The following ZNF250 variants were observed in gnomAD, a reference collection of about 807,000 sequenced individuals.
ZNF250 encodes the protein zinc finger protein 250.
ZNF250 carries 13 observed loss-of-function variants against 37.1 expected under a neutral mutation model. The ratio of observed to expected loss-of-function variants is 0.35; its 90% CI spans 0.23 to 0.56. The LOEUF (loss-of-function observed/expected upper bound fraction) is 0.56. ZNF250 is among the 20% of genes least tolerant of loss of function. The pLI is 0.87. For synonymous variants in ZNF250, 251 were observed against 265.6 expected (o/e 0.94, Z 0.54); for missense variants, 474 against 697.9 (o/e 0.68, Z 3.61).
At position 144,897,417 on chromosome 8, in the gene ZNF250, CT is replaced by C. The variant is rs1195380634; in HGVS notation, c.-55+3981del. Among the ~76,000 whole-genome samples the C allele has an allele frequency of 1.3e-5, 2 of 152,206 alleles. No individual in the cohort carries two copies. The highest frequency in any genetic ancestry group is 3.9e-4 in the East Asian group (2 of 5,194). ...CTAATCTAAACTAACCCTAACTAAC[CT>C]AAACTAACCCTAACCTGCAACCTTT... On this transcript the variant is annotated intron_variant, in intron 1 of 5. Coordinates refer to ENST00000417550, the MANE Select transcript of ZNF250 (RefSeq NM_001109689.4). The surrounding 1 kb of genome is among the most constrained non-coding windows in gnomAD (Gnocchi z 5.2).
chr8:144,886,478 G>A (rs899087648), intron 5 of ZNF250, among the ~76,000 whole-genome samples: 4 of 152,242 alleles, frequency 2.6e-5, no homozygotes, highest in Admixed American at 6.5e-5. Flanking sequence ...ATACTGTGCA[G>A]AAGCTGGACT....
At position 144,881,953 on chromosome 8, in the gene ZNF250, C is replaced by A; in HGVS notation, c.1230G>T (p.Arg410=). The change falls in exon 6 of 6, where the codon CGG becomes CGT. Residue 410 remains arginine (R), a synonymous_variant. Transcript: ENST00000417550. The part of the protein sequence containing the change: ...SHRSTLMNHE[R]IHTEEKPYAC... The stretch of plus-strand genomic sequence containing the variant: ...CATAGGGCTTTTCCTCGGTGTGGAT[C>A]CGCTCGTGATTCATCAGTGTGGAGC... The A allele has an allele frequency of 1.2e-6, 2 of 1,613,964 alleles. No individual in the cohort carries two copies. The highest frequency in any genetic ancestry group is 1.7e-6 in the Non-Finnish European group (2 of 1,179,990).
intron 3 of ZNF250, 27 bp downstream of exon 3, chr8:144,889,906 T>C (rs756265626): frequency 9.1e-5 from 143 of 1,577,684 alleles, no homozygotes; most frequent in Admixed American, 7.7e-4. Context: ...CGCAGATACA[T>C]AGACGAGGCC....
rs914443122 is a variant in ZNF250, at chr8:144,901,386, G to GC, written c.-55+12dup. ...AGGGTCCTGGCCGGCGACGACACGC[G>GC]CCCCCCACTCACCGTCAGAGCCGCA... On this transcript the variant is annotated intron_variant, in intron 1 of 5. Transcript: ENST00000417550. This position sits in a 1 kb window ranked among gnomAD's most constrained non-coding sequence, Gnocchi z 5.4. 12 of 152,600 alleles carry GC rather than the reference G, an allele frequency of 7.9e-5. No homozygotes were observed. The highest frequency in any genetic ancestry group is 1.4e-4 in the African/African-American group (6 of 41,418). The allele number at this position is 152,600 out of a possible 1,614,324, so 9.5% of individuals were successfully genotyped here.
At chr8:144,898,003 T>C (rs189307237) in intron 1 of ZNF250, among the ~76,000 whole-genome samples, 28 of 152,328 alleles carry the variant, frequency 1.8e-4, no homozygotes, top group African/African-American at 6.5e-4. Flanking sequence ...CATGAACATT[T>C]CACGGTGCTA....
intron 4 of ZNF250, 95 bp downstream of exon 4, chr8:144,889,486 C>T: frequency 1.0e-6 from 1 of 974,724 alleles, no homozygotes; most frequent in East Asian, 2.5e-5. Flanking sequence ...AGGTGGAAGC[C>T]ACTCCAGTGA....
intron 1 of ZNF250, among the ~76,000 whole-genome samples, chr8:144,898,180 C>G (rs928553705): frequency 6.6e-6 from 1 of 152,100 alleles, no homozygotes; most frequent in Admixed American, 6.6e-5. Flanking sequence ...GCCTGTAATT[C>G]CAGCTCCTCC....
chr8:144,887,252 CAAAAAAAAAAA>C lies in ZNF250; in HGVS notation c.284-361_284-351del, dbSNP rs56677445. Among the ~76,000 whole-genome samples the C allele has an allele frequency of 7.6e-4, 48 of 63,078 alleles. 2 individuals are homozygous for C. The highest frequency in any genetic ancestry group is 2.9e-3 in the East Asian group (8 of 2,788). 41.4% of individuals were successfully genotyped at this position (63,078 alleles called of 152,430 possible). A position where few individuals can be genotyped will look rare whatever the true frequency, so the allele number is the denominator to read the frequency against. ...GGGGACAGAGTGAAACTCCGTCTCT[CAAAAAAAAAAA>C]AAAAAAAAAAAAAAAAAGAGTGGAA... is the stretch of plus-strand genomic sequence containing the variant. On this transcript the variant is annotated intron_variant, in intron 4 of 5. Coordinates refer to ENST00000417550, the MANE Select transcript of ZNF250 (RefSeq NM_001109689.4).
intron 1 of ZNF250, among the ~76,000 whole-genome samples, chr8:144,900,256 TAGAGACCACCGGAC>T (rs1413682429): frequency 1.3e-5 from 2 of 152,108 alleles, no homozygotes; most frequent in Non-Finnish European, 2.9e-5. Context: ...ACCCACTTCG[TAGAGACCACCGGAC>T]AGAGAAACCT....
At chr8:144,896,718 C>A (rs1432065973) in intron 1 of ZNF250, among the ~76,000 whole-genome samples, 1 of 152,186 alleles carries the variant, frequency 6.6e-6, no homozygotes, top group African/African-American at 2.4e-5. Context: ...AGGCTAATGA[C>A]GAGTCCTCTA....
At position 144,893,713 on chromosome 8, in the gene ZNF250, G is replaced by A. The variant is rs184054242; in HGVS notation, c.-54-3310C>T. 2.6e-3 allele frequency among the ~76,000 whole-genome samples: 393 copies of A among 152,186 alleles called. 1 individual carries two copies. The highest frequency in any genetic ancestry group is 8.5e-3 in the African/African-American group (351 of 41,524). On this transcript the variant is annotated intron_variant, in intron 1 of 5. Transcript: ENST00000417550. ...AGAGGTGGATGGTCATTCTCTCTAC[G>A]GACCAATCACACCTGGGCTGTGACT...
At position 144,888,595 on chromosome 8, in the gene ZNF250, C is replaced by CAA. The variant is rs36073563; in HGVS notation, c.283+984_283+985dup. On this transcript the variant is annotated intron_variant, in intron 4 of 5. Transcript: ENST00000417550. ...CCTGGGCGACAGAGCAAGACTGTCT[C>CAA]AAAAAAAAAAAAAAAAAAAAAAAAA... Among the ~76,000 whole-genome samples, 154 of 53,924 alleles carry CAA rather than the reference C, an allele frequency of 2.9e-3. 1 individual carries two copies. Among genetic ancestry groups the CAA allele is most frequent in the East Asian group, 4.5e-3 (11 of 2,424 alleles). The allele number at this position is 53,924 out of a possible 152,430, so 35.4% of individuals were successfully genotyped here.
At chr8:144,884,993 T>C (rs907327464) in intron 5 of ZNF250, among the ~76,000 whole-genome samples, 1 of 152,244 alleles carries the variant, frequency 6.6e-6, no homozygotes, top group African/African-American at 2.4e-5. Flanking sequence ...TTGTGCCTAC[T>C]TTTCTTTTTG....
In ZNF250 at chr8:144,897,818, G is replaced by C. The variant is rs192795262; in HGVS notation, c.-55+3581C>G. On this transcript the variant is annotated intron_variant, in intron 1 of 5. Coordinates refer to ENST00000417550, the MANE Select transcript of ZNF250 (RefSeq NM_001109689.4). This position sits in a 1 kb window ranked among gnomAD's most constrained non-coding sequence, Gnocchi z 5.2. Reference sequence around the variant, plus strand: ...GGGATGGGCCGAATTAAAGGAATAGGTTGGGCTAGTTAACTGTAGCAGGAG... The same window carrying C: ...GGGATGGGCCGAATTAAAGGAATAGCTTGGGCTAGTTAACTGTAGCAGGAG... 3.9e-5 allele frequency among the ~76,000 whole-genome samples: 6 copies of C among 152,342 alleles called. No homozygotes were observed. In the East Asian group the frequency reaches 1.2e-3, roughly 29 times the overall value.
At position 144,897,115 on chromosome 8, in the gene ZNF250, AAGCAGTGTGCCTGTCATTCCAGAGGACCC is replaced by A. The variant is rs1475802929; in HGVS notation, c.-55+4255_-55+4283del. ...AATTCCTGACTGTCTTGATGTGACA[AAGCAGTGTGCCTGTCATTCCAGAGGACCC>A]TGCACATGGTCACACACTGGGACAG... On this transcript the variant is annotated intron_variant, in intron 1 of 5. Coordinates refer to ENST00000417550, the MANE Select transcript of ZNF250 (RefSeq NM_001109689.4). This position sits in a 1 kb window ranked among gnomAD's most constrained non-coding sequence, Gnocchi z 5.2. Among the ~76,000 whole-genome samples, 3 of 152,192 alleles carry A rather than the reference AAGCAGTGTGCCTGTCATTCCAGAGGACCC, an allele frequency of 2.0e-5. No individual in the cohort carries two copies. The highest frequency in any genetic ancestry group is 7.2e-5 in the African/African-American group (3 of 41,452).
intron 4 of ZNF250, among the ~76,000 whole-genome samples, chr8:144,888,678 T>C (rs1246995929): frequency 6.6e-6 from 1 of 151,866 alleles, no homozygotes; most frequent in Non-Finnish European, 1.5e-5. Flanking sequence ...ATTTTCCAGG[T>C]TGACAATCAC....
In ZNF250 at chr8:144,891,126, TG is replaced by T. The variant is rs1832303899; in HGVS notation, c.-54-724del. Among the ~76,000 whole-genome samples, 1 of 151,902 alleles carries T rather than the reference TG, an allele frequency of 6.6e-6. No individual in the cohort carries two copies. Among genetic ancestry groups the T allele is most frequent in the Non-Finnish European group, 1.5e-5 (1 of 67,966 alleles). On this transcript the variant is annotated intron_variant, in intron 1 of 5. Coordinates refer to ENST00000417550, the MANE Select transcript of ZNF250 (RefSeq NM_001109689.4). The surrounding 1 kb of genome is among the most constrained non-coding windows in gnomAD (Gnocchi z 4.0). ...GGTATCTGACACACACCCAAACAGC[TG>T]GGAAAAAGGGGGAGCGGGGCAAGAG... is the stretch of plus-strand genomic sequence containing the variant.
At position 144,882,616 on chromosome 8, in the gene ZNF250, A is replaced by C; in HGVS notation, c.567T>G (p.Ser189Arg). 1.2e-6 allele frequency: 2 copies of C among 1,613,900 alleles called. No homozygotes were observed. The highest frequency in any genetic ancestry group is 1.7e-6 in the Non-Finnish European group (2 of 1,179,902). Residue 189 changes from serine to arginine, a missense_variant, in exon 6 of 6, where the codon AGT (serine) becomes AGG (arginine). Coordinates refer to ENST00000417550, the MANE Select transcript of ZNF250 (RefSeq NM_001109689.4). This position sits in a 1 kb window ranked among gnomAD's most constrained non-coding sequence, Gnocchi z 5.5. ...CAACACACATGTAGGGCCTCTCTCCACTAGGCACTGCCTGGTGCGGAGTGA... is the reference window on the plus strand; with the variant it reads ...CAACACACATGTAGGGCCTCTCTCCCCTAGGCACTGCCTGGTGCGGAGTGA... ...MPLTPHQAVP[S>R]GERPYMCVEC... is the part of the protein sequence containing the mutation.
At chr8:144,888,009 C>T (rs1832018417) in intron 4 of ZNF250, among the ~76,000 whole-genome samples, 1 of 152,190 alleles carries the variant, frequency 6.6e-6, no homozygotes, top group East Asian at 1.9e-4. Flanking sequence ...AGGTGTTGCC[C>T]AAACTGTCCC....
Sources: gnomAD v4.1 joint callset for allele counts (sites outside exome capture counted in the v4.1 genomes callset) on GRCh38, gnomAD v4.1.1 for gene constraint, Gnocchi (gnomAD v3.1) non-coding constraint, MANE v1.5 for transcripts, NCBI Gene and HGNC (gene_info 2026-07-23, HGNC 2026-07-21) for gene names.